Variants in SRGAP2 observed in about 807,000 individuals in gnomAD.
The protein encoded by SRGAP2 is SLIT-ROBO Rho GTPase activating protein 2.
Under a neutral mutation model 57.2 loss-of-function variants are expected in SRGAP2, and 15 were observed. The observed-to-expected ratio is 0.26, with a 90% confidence interval of 0.18 to 0.40. The LOEUF is 0.40. Ranked by LOEUF, SRGAP2 falls within the 10% of genes least tolerant of loss-of-function variation. The pLI, the probability that SRGAP2 is intolerant of heterozygous loss-of-function variation, is 1.00. For synonymous variants in SRGAP2, 249 were observed against 248.0 expected (o/e 1.00, Z -0.04); for missense variants, 520 against 669.6 (o/e 0.78, Z 2.47).
chr1:206,399,459 GA>G (rs1250114740), intron 7 of SRGAP2, among the ~76,000 whole-genome samples: 2 of 149,728 alleles, frequency 1.3e-5, no homozygotes, highest in African/African-American at 2.5e-5. Context: ...TTACCTTGGG[GA>G]AAAAAAATGA....
Position 206,454,848 on chromosome 1 carries a change from C to A in SRGAP2, c.2361-30C>A. 1 of 727,608 alleles carries A rather than the reference C, an allele frequency of 1.4e-6. No homozygotes were observed. The highest frequency in any genetic ancestry group is 2.5e-6 in the Non-Finnish European group (1 of 392,468). The allele number at this position is 727,608 out of a possible 1,614,324, so 45.1% of individuals were successfully genotyped here. ...TTTTGTGTTGTTGTTGTTTTCCCTC[C>A]TCCCTGCCTGCCTGCCCCTTCTCCC... On this transcript the variant is annotated intron_variant, in intron 20 of 22. Coordinates refer to ENST00000573034, the MANE Select transcript of SRGAP2 (RefSeq NM_015326.5). The surrounding 1 kb of genome is among the most constrained non-coding windows in gnomAD (Gnocchi z 4.3).
In SRGAP2 at chr1:206,439,990, C is replaced by T; in HGVS notation, c.1783C>T (p.Gln595Ter). ...LMACVTMDNL[Q>*]ERALHIRKVL... ...CTTCTTTTCAGCAATGGACAACCTG[C>T]AGGAGAGAGCTCTGCACATCCGGAA... The change falls in exon 17 of 23, where the codon CAG (glutamine) becomes TAG (stop). Residue 595 changes from glutamine to a stop codon, truncating the protein, a stop_gained. Transcript: ENST00000573034. LOFTEE classifies it high-confidence loss of function. 1 of 780,848 alleles carries T rather than the reference C, an allele frequency of 1.3e-6. No individual in the cohort carries two copies. The highest frequency in any genetic ancestry group is 2.4e-6 in the Non-Finnish European group (1 of 417,944). The allele number at this position is 780,848 out of a possible 1,614,324, so 48.4% of individuals were successfully genotyped here.
intron 2 of SRGAP2, among the ~76,000 whole-genome samples, chr1:206,209,525 C>T (rs1553301968): frequency 6.6e-6 from 1 of 152,124 alleles, no homozygotes; most frequent in African/African-American, 2.4e-5. Context: ...CTTAGTCAGC[C>T]TGCCTTGTAG....
At chr1:206,228,822 G>A (rs1450693718) in intron 2 of SRGAP2, among the ~76,000 whole-genome samples, 8 of 136,250 alleles carry the variant, frequency 5.9e-5, no homozygotes, top group African/African-American at 2.1e-4. Context: ...TTCCATCAGC[G>A]CTTTAAAAAA....
Position 206,291,905 on chromosome 1 carries a change from G to A in SRGAP2, c.68-11376G>A, listed in dbSNP as rs1431014657. Among the ~76,000 whole-genome samples the A allele has an allele frequency of 4.3e-3, 633 of 148,928 alleles. 2 individuals carry two copies. The highest frequency in any genetic ancestry group is 0.01 in the Middle Eastern group (3 of 294). On this transcript the variant is annotated intron_variant, in intron 2 of 22. Transcript: ENST00000573034. Reference sequence around the variant, plus strand: ...AGATTCTTTCATTGGAATAAGTTTTGTCAAGGACGGGACTGTCTACCCAAC... The same window carrying A: ...AGATTCTTTCATTGGAATAAGTTTTATCAAGGACGGGACTGTCTACCCAAC...
chr1:206,207,541 A>G (rs1428569488), intron 2 of SRGAP2: 1 of 151,604 alleles, frequency 6.6e-6, no homozygotes, highest in Middle Eastern at 3.2e-3. Context: ...TTTGTAAACA[A>G]TAGGCCACTG....
chr1:206,231,582 G>A (rs1418010844), intron 2 of SRGAP2, among the ~76,000 whole-genome samples: 2 of 150,576 alleles, frequency 1.3e-5, no homozygotes, highest in African/African-American at 4.9e-5. Context: ...CTGTTGCCCA[G>A]GCTGGAGTGC....
At chr1:206,440,514 G>A (rs140052000) in intron 17 of SRGAP2, among the ~76,000 whole-genome samples, 4 of 152,056 alleles carry the variant, frequency 2.6e-5, no homozygotes, top group South Asian at 2.1e-4. Context: ...TGGTAATAGC[G>A]AGTTTGGATT....
At chr1:206,300,343 TG>T (rs1671809475) in intron 2 of SRGAP2, among the ~76,000 whole-genome samples, 1 of 81,402 alleles carries the variant, frequency 1.2e-5, no homozygotes, top group Non-Finnish European at 2.1e-5. Context: ...GACTCCAAAC[TG>T]GTGTTCTATT....
chr1:206,461,085 G>A lies in SRGAP2; in HGVS notation c.2881G>A (p.Glu961Lys), dbSNP rs1553380397. 1 of 753,618 alleles carries A rather than the reference G, an allele frequency of 1.3e-6. No homozygotes were observed. Among genetic ancestry groups the A allele is most frequent in the Non-Finnish European group, 2.5e-6 (1 of 401,406 alleles). 46.7% of individuals were successfully genotyped at this position (753,618 alleles called of 1,614,324 possible). A position where few individuals can be genotyped will look rare whatever the true frequency, so the allele number is the denominator to read the frequency against. ...NSALNELREL[E>K]RQSSVKHTPD... The stretch of plus-strand genomic sequence containing the variant: ...GGCCCTGAATGAGCTACGGGAACTA[G>A]AACGGCAGAGCAGTGTCAAACACAC... The change falls in exon 23 of 23, where the codon GAA becomes AAA. Residue 961 changes from glutamate (E) to lysine (K), a missense_variant. This residue lies in a region of SRGAP2 where 478 missense variants were observed against 373.6 expected (regional missense o/e 1.28). Transcript: ENST00000573034.
intron 2 of SRGAP2, among the ~76,000 whole-genome samples, chr1:206,241,760 T>A (rs1668244348): frequency 6.6e-6 from 1 of 150,428 alleles, no homozygotes; most frequent in African/African-American, 2.4e-5. Context: ...CTCGAACCTA[T>A]GTCAGAATAT....
At chr1:206,412,022 A>AT (rs1326806665) in intron 10 of SRGAP2, among the ~76,000 whole-genome samples, 1 of 152,166 alleles carries the variant, frequency 6.6e-6, no homozygotes, top group Non-Finnish European at 1.5e-5. Flanking sequence ...TAGTATTCTC[A>AT]TTTTTCGGAT....
At chr1:206,451,149 G>C (rs1343652230) in intron 19 of SRGAP2, among the ~76,000 whole-genome samples, 2 of 151,682 alleles carry the variant, frequency 1.3e-5, no homozygotes, top group Admixed American at 1.3e-4. Flanking sequence ...AGTAAGCCTG[G>C]GGTGGGAAAT....
intron 5 of SRGAP2, among the ~76,000 whole-genome samples, chr1:206,386,457 A>G (rs1473538521): frequency 1.4e-5 from 2 of 140,366 alleles, no homozygotes; most frequent in African/African-American, 2.7e-5. Flanking sequence ...ATACTTCCTG[A>G]AATATTAGGC....
chr1:206,443,495 C>T (rs901787511), intron 17 of SRGAP2, among the ~76,000 whole-genome samples: 5 of 152,194 alleles, frequency 3.3e-5, no homozygotes, highest in African/African-American at 1.2e-4. Context: ...CTGCCTCAGT[C>T]TCCCGAGTAG....
chr1:206,412,790 A>T (rs939300925), intron 10 of SRGAP2, among the ~76,000 whole-genome samples: 1 of 152,140 alleles, frequency 6.6e-6, no homozygotes, highest in East Asian at 1.9e-4. Flanking sequence ...CTTATCCCCA[A>T]CGAGTCTCTC....
chr1:206,290,217 ATG>A (rs1206563642), intron 2 of SRGAP2, among the ~76,000 whole-genome samples: 1 of 152,204 alleles, frequency 6.6e-6, no homozygotes, highest in Non-Finnish European at 1.5e-5. Context: ...TTGTGTGCGT[ATG>A]TGTGTGTGCA....
intron 2 of SRGAP2, among the ~76,000 whole-genome samples, chr1:206,266,985 T>TTC (rs1669891382): frequency 2.9e-5 from 4 of 135,978 alleles, no homozygotes; most frequent in Admixed American, 2.9e-4. Context: ...TTTTTTTTTT[T>TTC]TGAGACGGAG....
At chr1:206,269,204 G>C (rs1455367452) in intron 2 of SRGAP2, among the ~76,000 whole-genome samples, 2 of 145,932 alleles carry the variant, frequency 1.4e-5, no homozygotes, top group Non-Finnish European at 3.0e-5. Flanking sequence ...AGGAGTGAAA[G>C]AGGCATGAAA....
Sources: gnomAD v4.1 joint callset for allele counts (sites outside exome capture counted in the v4.1 genomes callset) on GRCh38, gnomAD v4.1.1 for gene constraint, gnomAD v4.1.1 regional missense constraint, Gnocchi (gnomAD v3.1) non-coding constraint, MANE v1.5 for transcripts, NCBI Gene and HGNC (gene_info 2026-07-23, HGNC 2026-07-21) for gene names.